GADL1: variants seen among roughly 807,000 people sequenced by gnomAD.
The protein encoded by GADL1 is acidic amino acid decarboxylase GADL1.
A neutral mutation model predicts 69.5 loss-of-function variants in GADL1; 71 were observed. The observed-to-expected ratio is 1.02, with a 90% CI of 0.84 to 1.25. GADL1 has a LOEUF of 1.25. GADL1 is among the 50% of genes most tolerant of loss of function. GADL1 has a pLI of 0.00. For missense variants in GADL1, 737 were observed against 631.8 expected (o/e 1.17, Z -1.79); for synonymous variants, 254 against 214.4 (o/e 1.18, Z -1.62).
At chr3:30,866,772 G>C (rs1399268361) in intron 1 of GADL1, among the ~76,000 whole-genome samples, 1 of 152,016 alleles carries the variant, frequency 6.6e-6, no homozygotes, top group Non-Finnish European at 1.5e-5. Flanking sequence ...ACCTTGCCCT[G>C]TGTTTACCTG....
intron 11 of GADL1, among the ~76,000 whole-genome samples, chr3:30,816,142 G>T (rs1049360944): frequency 6.6e-6 from 1 of 152,082 alleles, no homozygotes; most frequent in African/African-American, 2.4e-5. Flanking sequence ...TAGATGAGAG[G>T]CTAATGGCTC....
chr3:30,844,170 C>T (rs751222870), intron 8 of GADL1, 40 bp downstream of exon 8: 1 of 1,553,628 alleles, frequency 6.4e-7, no homozygotes, highest in South Asian at 1.2e-5. Flanking sequence ...TGCGCGCACA[C>T]ACACACGTTC....
intron 3 of GADL1, 71 bp from the exon 4 acceptor site, chr3:30,854,860 A>C: frequency 1.3e-6 from 1 of 748,412 alleles, no homozygotes. Context: ...GCATTAACAT[A>C]AATGAATCTT....
chr3:30,844,918 A>G lies in GADL1; in HGVS notation c.652-452T>C, dbSNP rs780319845. On this transcript the variant is annotated intron_variant, in intron 6 of 14. Transcript: ENST00000282538. ...AGTTTCTCCTGATGCTCCTCATAAG[A>G]CTTAGTATTAATGGAAACTTAGAAT... Among the ~76,000 whole-genome samples the G allele has an allele frequency of 1.0e-3, 158 of 152,280 alleles. 1 individual carries two copies. The highest frequency in any genetic ancestry group is 1.7e-3 in the Non-Finnish European group (118 of 68,014).
chr3:30,826,369 G>A (rs1485480587), intron 11 of GADL1, among the ~76,000 whole-genome samples: 1 of 151,828 alleles, frequency 6.6e-6, no homozygotes, highest in African/African-American at 2.4e-5. Context: ...AGCAAAGGTT[G>A]GCGTTCCATA....
At chr3:30,739,906 A>G (rs1695591666) in intron 14 of GADL1, among the ~76,000 whole-genome samples, 1 of 152,204 alleles carries the variant, frequency 6.6e-6, no homozygotes. Context: ...TTTAAAAGCA[A>G]TCCAGACCAT....
chr3:30,779,657 A>G (rs1030997264), intron 13 of GADL1, among the ~76,000 whole-genome samples: 2 of 152,246 alleles, frequency 1.3e-5, no homozygotes, highest in Non-Finnish European at 2.9e-5. Flanking sequence ...TTCTTTGAGC[A>G]TTTAATGTGA....
chr3:30,781,059 C>T (rs1696654544), intron 13 of GADL1, among the ~76,000 whole-genome samples: 1 of 152,002 alleles, frequency 6.6e-6, no homozygotes, highest in Non-Finnish European at 1.5e-5. Context: ...TCTTGGGTGT[C>T]CTGAGAACAC....
chr3:30,832,294 A>G (rs949228727), intron 11 of GADL1, among the ~76,000 whole-genome samples: 2 of 151,826 alleles, frequency 1.3e-5, no homozygotes, highest in African/African-American at 4.8e-5. Context: ...TGCCATGAAA[A>G]TAGACATGGG....
chr3:30,733,585 TCTCCTTC>T (rs1416462489), intron 14 of GADL1, among the ~76,000 whole-genome samples: 1 of 116,310 alleles, frequency 8.6e-6, no homozygotes, highest in African/African-American at 3.2e-5. Flanking sequence ...CTTTTCCTTT[TCTCCTTC>T]CTTCCTTCCT....
At chr3:30,784,940 CTT>C (rs1696755630) in intron 13 of GADL1, among the ~76,000 whole-genome samples, 1 of 152,212 alleles carries the variant, frequency 6.6e-6, no homozygotes, top group East Asian at 1.9e-4. Context: ...ACAGAACTCT[CTT>C]CAGCTTTAAG....
At chr3:30,854,934 T>C (rs1698204721) in intron 3 of GADL1, 145 bp from the exon 4 acceptor site, 2 of 563,860 alleles carry the variant, frequency 3.5e-6, no homozygotes, top group Non-Finnish European at 6.2e-6. Context: ...TTATATGACA[T>C]TCAAAACCAA....
rs112640860 is a variant in GADL1 at position 30,854,827 on chromosome 3, TAAAAA to T, written c.338-43_338-39del. ...AATGGAGTATTCATCTATGCAGCAA[TAAAAA>T]AAAAAACTACTGATACAGCATTAAC... is the stretch of plus-strand genomic sequence containing the variant. On this transcript the variant is annotated intron_variant, in intron 3 of 14. Transcript: ENST00000282538. 3.4e-6 allele frequency: 3 copies of T among 870,182 alleles called. No individual in the cohort carries two copies. The South Asian group carries it at 5.3e-5, about 15-fold the overall frequency. 53.9% of individuals were successfully genotyped at this position (870,182 alleles called of 1,614,324 possible).
chr3:30,790,772 ATGTC>A (rs1479508944), intron 12 of GADL1, among the ~76,000 whole-genome samples: 2 of 152,190 alleles, frequency 1.3e-5, no homozygotes, highest in African/African-American at 2.4e-5. Context: ...TACTATCTAA[ATGTC>A]TGTACTGTGG....
chr3:30,763,212 G>C (rs572618612), intron 14 of GADL1, among the ~76,000 whole-genome samples: 1 of 152,200 alleles, frequency 6.6e-6, no homozygotes, highest in African/African-American at 2.4e-5. Flanking sequence ...TAAATTGAAA[G>C]TATTGGCCAG....
intron 13 of GADL1, among the ~76,000 whole-genome samples, chr3:30,784,595 G>A (rs1202189230): frequency 6.6e-6 from 1 of 152,162 alleles, no homozygotes; most frequent in Non-Finnish European, 1.5e-5. Context: ...TCTCTGGAAA[G>A]TATTTCCCAA....
chr3:30,852,130 G>A (rs933135564), intron 4 of GADL1, among the ~76,000 whole-genome samples: 3 of 152,090 alleles, frequency 2.0e-5, no homozygotes, highest in Non-Finnish European at 4.4e-5. Context: ...ACTTTGGATT[G>A]AGGCATAAAA....
At chr3:30,730,175 A>G (rs1021801678) in intron 14 of GADL1, among the ~76,000 whole-genome samples, 1 of 152,204 alleles carries the variant, frequency 6.6e-6, no homozygotes, top group South Asian at 2.1e-4. Flanking sequence ...GTAACTCTCT[A>G]CTATGCTTAT....
chr3:30,755,953 G>A (rs1241095487), intron 14 of GADL1, among the ~76,000 whole-genome samples: 1 of 152,028 alleles, frequency 6.6e-6, no homozygotes, highest in Non-Finnish European at 1.5e-5. Flanking sequence ...CCCACAAGCT[G>A]CCTCCTATAT....
Sources: gnomAD v4.1 joint callset for allele counts (sites outside exome capture counted in the v4.1 genomes callset) on GRCh38, gnomAD v4.1.1 for gene constraint, MANE v1.5 for transcripts, NCBI Gene and HGNC (gene_info 2026-07-23, HGNC 2026-07-21) for gene names.